The following QTMAN variants were observed in gnomAD, a reference collection of about 807,000 sequenced individuals.
QTMAN encodes the protein queuosine-tRNA mannosyltransferase.
the QTMAN span, among the ~76,000 whole-genome samples, chr2:144,156,864 T>G: frequency 6.6e-6 from 1 of 152,062 alleles, no homozygotes; most frequent in Non-Finnish European, 1.5e-5. Context: ...TATGTAGGAC[T>G]CATCTAACAC....
chr2:144,332,292 T>A, the QTMAN span: 1 of 149,538 alleles, frequency 6.7e-6, no homozygotes, highest in Non-Finnish European at 1.5e-5. Context: ...CGCCCCCGGC[T>A]CCCCGCGCCG....
the QTMAN span, among the ~76,000 whole-genome samples, chr2:144,162,435 C>T: frequency 6.6e-6 from 1 of 152,210 alleles, no homozygotes; most frequent in South Asian, 2.1e-4. Context: ...GGAAGTGACT[C>T]TGGAAAATCT....
the QTMAN span, among the ~76,000 whole-genome samples, chr2:144,287,906 G>A: frequency 7.2e-5 from 11 of 152,036 alleles, no homozygotes; most frequent in East Asian, 1.9e-3. Context: ...CCAGGCTGGA[G>A]TGCAGTGGTG....
the QTMAN span, among the ~76,000 whole-genome samples, chr2:144,255,473 G>C: frequency 1.2e-4 from 19 of 152,134 alleles, no homozygotes; most frequent in Admixed American, 1.0e-3. Context: ...CAGCCATATG[G>C]AACTGTGAGT....
chr2:144,217,502 T>C, the QTMAN span, among the ~76,000 whole-genome samples: 1 of 152,124 alleles, frequency 6.6e-6, no homozygotes, highest in South Asian at 2.1e-4. Context: ...TATAAATTAA[T>C]ATATTAATTG....
the QTMAN span, among the ~76,000 whole-genome samples, chr2:143,982,222 TTTTC>T: frequency 4.1e-4 from 63 of 151,808 alleles, no homozygotes; most frequent in African/African-American, 1.3e-3. Flanking sequence ...TTCTTTTCTT[TTTTC>T]TTTCTTTCTC....
the QTMAN span, among the ~76,000 whole-genome samples, chr2:144,036,849 T>C: frequency 5.9e-5 from 9 of 152,188 alleles, no homozygotes; most frequent in Non-Finnish European, 1.2e-4. Context: ...GTTCAATAAA[T>C]AGTCTGAAGA....
chr2:143,981,242 G>T, the QTMAN span, among the ~76,000 whole-genome samples: 2 of 152,150 alleles, frequency 1.3e-5, no homozygotes, highest in East Asian at 3.8e-4. Context: ...TCAAAATACG[G>T]CTTTAGAATG....
At chr2:143,979,533 T>C in the QTMAN span, among the ~76,000 whole-genome samples, 1 of 152,224 alleles carries the variant, frequency 6.6e-6, no homozygotes, top group Admixed American at 6.5e-5. Context: ...TCCTCAAGTG[T>C]AACCGCTGCC....
the QTMAN span, chr2:143,940,820 T>G: frequency 6.6e-6 from 1 of 152,224 alleles, no homozygotes; most frequent in Admixed American, 6.5e-5. Flanking sequence ...CACTGTATGA[T>G]TCGAAAGGCA....
At chr2:144,216,387 C>G in the QTMAN span, among the ~76,000 whole-genome samples, 1 of 152,170 alleles carries the variant, frequency 6.6e-6, no homozygotes, top group African/African-American at 2.4e-5. Context: ...TGACACACAG[C>G]AGACAAACTA....
At chr2:143,939,164 A>G in the QTMAN span, 4 of 152,202 alleles carry the variant, frequency 2.6e-5, no homozygotes, top group African/African-American at 7.2e-5. Flanking sequence ...CTTCTGTAAA[A>G]TAAGTAAGGT....
At chr2:144,195,896 C>G in the QTMAN span, among the ~76,000 whole-genome samples, 4 of 152,026 alleles carry the variant, frequency 2.6e-5, no homozygotes, top group Non-Finnish European at 5.9e-5. Flanking sequence ...TCTTTATAAA[C>G]TTAAAAGTTA....
the QTMAN span, among the ~76,000 whole-genome samples, chr2:143,984,930 C>T: frequency 1.3e-5 from 2 of 152,282 alleles, no homozygotes; most frequent in African/African-American, 4.8e-5. Context: ...CCTGATTCTT[C>T]CTGGACGCTG....
the QTMAN span, among the ~76,000 whole-genome samples, chr2:144,093,298 C>T: frequency 6.6e-6 from 1 of 152,208 alleles, no homozygotes; most frequent in African/African-American, 2.4e-5. Context: ...ATACTCTTGA[C>T]ATGAATACAC....
At chr2:144,103,889 AGAGCAGCCT>A in the QTMAN span, among the ~76,000 whole-genome samples, 1 of 152,136 alleles carries the variant, frequency 6.6e-6, no homozygotes, top group Non-Finnish European at 1.5e-5. Context: ...CAGGAGCTCA[AGAGCAGCCT>A]GGCCAACATG....
the QTMAN span, among the ~76,000 whole-genome samples, chr2:144,167,469 T>G: frequency 6.6e-6 from 1 of 152,110 alleles, no homozygotes; most frequent in East Asian, 1.9e-4. Context: ...TCACCTTGAA[T>G]TGTAATCTTC....
the QTMAN span, among the ~76,000 whole-genome samples, chr2:144,064,608 T>C: frequency 6.6e-6 from 1 of 152,176 alleles, no homozygotes; most frequent in Non-Finnish European, 1.5e-5. Flanking sequence ...ATATTCTCTT[T>C]ATTTAGCAAT....
the QTMAN span, among the ~76,000 whole-genome samples, chr2:144,204,123 A>C: frequency 2.0e-4 from 31 of 152,352 alleles, no homozygotes; most frequent in Non-Finnish European, 3.8e-4. Flanking sequence ...AAGCAATGGC[A>C]ACAAAAGCCA....
Sources: allele counts gnomAD v4.1 joint callset (sites outside exome capture counted in the v4.1 genomes callset), GRCh38; gene constraint gnomAD v4.1.1; transcripts MANE v1.5; gene names NCBI Gene and HGNC (gene_info 2026-07-23, HGNC 2026-07-21).